Variants in PHACTR1 observed in about 807,000 individuals in gnomAD.
The protein encoded by PHACTR1 is RPEL repeat containing 1.
Under a neutral mutation model 69.2 loss-of-function variants are expected in PHACTR1, and 16 were observed. The ratio of observed to expected loss-of-function variants is 0.23; its 90% CI spans 0.16 to 0.35. PHACTR1 has a LOEUF of 0.35. Ranked by LOEUF, PHACTR1 falls within the 10% of genes least tolerant of loss-of-function variation. PHACTR1 has a pLI of 1.00. For synonymous variants in PHACTR1, 312 were observed against 284.5 expected (o/e 1.10, Z -0.97); for missense variants, 510 against 734.7 (o/e 0.69, Z 3.54).
At position 13,053,543 on chromosome 6, in the gene PHACTR1, T is replaced by C. The variant is rs1203922088; in HGVS notation, c.415+14T>C. ...ACACGTCAGCAGGTAAGATGATTTG[T>C]TCTTTCATTTCCCATTTGGTGTTTG... On this transcript the variant is annotated intron_variant, in intron 5 of 14. Coordinates refer to ENST00000332995, the MANE Select transcript of PHACTR1 (RefSeq NM_030948.6). 2.5e-6 allele frequency: 4 copies of C among 1,609,944 alleles called. No homozygotes were observed. The highest frequency in any genetic ancestry group is 3.4e-6 in the Non-Finnish European group (4 of 1,177,744).
At chr6:13,155,760 C>T (rs966961205) in intron 5 of PHACTR1, among the ~76,000 whole-genome samples, 6 of 151,946 alleles carry the variant, frequency 3.9e-5, no homozygotes, top group African/African-American at 7.3e-5. Context: ...TGGCAGCAGG[C>T]GCCTGTAATC....
intron 5 of PHACTR1, among the ~76,000 whole-genome samples, chr6:13,059,220 GTACAGATGGA>G (rs1807297476): frequency 6.6e-6 from 1 of 152,020 alleles, no homozygotes; most frequent in Non-Finnish European, 1.5e-5. Flanking sequence ...AACATACCGG[GTACAGATGGA>G]CAAATGTGGC....
At chr6:13,039,844 T>G (rs569506878) in intron 4 of PHACTR1, among the ~76,000 whole-genome samples, 1 of 152,308 alleles carries the variant, frequency 6.6e-6, no homozygotes, top group East Asian at 1.9e-4. Context: ...TCTTTTCCTA[T>G]TAAAATAAAT....
At chr6:13,082,445 C>T (rs927153625) in intron 5 of PHACTR1, among the ~76,000 whole-genome samples, 1 of 152,054 alleles carries the variant, frequency 6.6e-6, no homozygotes. Flanking sequence ...GAGATAGTCC[C>T]CAAAAGAAAT....
chr6:13,063,539 C>T (rs1443514009), intron 5 of PHACTR1, among the ~76,000 whole-genome samples: 1 of 150,788 alleles, frequency 6.6e-6, no homozygotes, highest in Non-Finnish European at 1.5e-5. Flanking sequence ...TTTGGGAGGC[C>T]AAAGCGGGAG....
In PHACTR1 at chr6:13,177,172, T is replaced by TAAAAAAAAAAAA. The variant is rs530741132; in HGVS notation, c.497-5327_497-5316dup. ...TGGCAAAATAGCAAGACCCCATCTC[T>TAAAAAAAAAAAA]AAAAAAAAAAAAAAAAAAAAAAAAA... On this transcript the variant is annotated intron_variant, in intron 6 of 14. Transcript: ENST00000332995. Among the ~76,000 whole-genome samples the TAAAAAAAAAAAA allele has an allele frequency of 6.3e-5, 4 of 63,366 alleles. 1 individual carries two copies. Among genetic ancestry groups the TAAAAAAAAAAAA allele is most frequent in the African/African-American group, 4.1e-4 (4 of 9,786 alleles). 41.6% of individuals were successfully genotyped at this position (63,366 alleles called of 152,430 possible). A position where few individuals can be genotyped will look rare whatever the true frequency, so the allele number is the denominator to read the frequency against.
chr6:13,070,273 T>TC (rs895672445), intron 5 of PHACTR1, among the ~76,000 whole-genome samples: 3 of 152,224 alleles, frequency 2.0e-5, no homozygotes, highest in African/African-American at 7.2e-5. Flanking sequence ...TTTGACCTTT[T>TC]CCCTTTGACT....
At chr6:13,141,440 G>A (rs937103855) in intron 5 of PHACTR1, among the ~76,000 whole-genome samples, 16 of 152,204 alleles carry the variant, frequency 1.1e-4, no homozygotes, top group Admixed American at 5.9e-4. Context: ...TTGCCTGTTC[G>A]TCAGCTTCCA....
chr6:13,180,279 C>T (rs549798038), intron 6 of PHACTR1, among the ~76,000 whole-genome samples: 25 of 152,248 alleles, frequency 1.6e-4, no homozygotes, highest in African/African-American at 4.6e-4. Context: ...GTGTATTTAG[C>T]AATTATAACA....
chr6:12,937,404 A>G (rs1335936492), intron 4 of PHACTR1, among the ~76,000 whole-genome samples: 1 of 151,772 alleles, frequency 6.6e-6, no homozygotes, highest in Non-Finnish European at 1.5e-5. Context: ...GCTGGAGTGC[A>G]ATGGCGCAAT....
chr6:12,973,650 A>G (rs1206947155), intron 4 of PHACTR1, among the ~76,000 whole-genome samples: 1 of 152,178 alleles, frequency 6.6e-6, no homozygotes, highest in African/African-American at 2.4e-5. Context: ...GATCCGTGTT[A>G]TCTATTTTGC....
At chr6:12,832,156 A>G (rs753297601) in intron 4 of PHACTR1, among the ~76,000 whole-genome samples, 1 of 152,140 alleles carries the variant, frequency 6.6e-6, no homozygotes, top group Non-Finnish European at 1.5e-5. Context: ...GAGTGTGCCA[A>G]CTAAGGTGAT....
At chr6:12,839,558 T>A (rs1390829360) in intron 4 of PHACTR1, among the ~76,000 whole-genome samples, 1 of 152,106 alleles carries the variant, frequency 6.6e-6, no homozygotes, top group Non-Finnish European at 1.5e-5. Flanking sequence ...GGGTTCCTTC[T>A]GCCTGGTCCC....
intron 4 of PHACTR1, among the ~76,000 whole-genome samples, chr6:13,018,126 TG>T (rs1800446812): frequency 6.6e-6 from 1 of 152,256 alleles, no homozygotes; most frequent in Non-Finnish European, 1.5e-5. Context: ...AATTCTCTGC[TG>T]TACTGACTGT....
chr6:12,820,779 T>C (rs1472402445), intron 4 of PHACTR1, among the ~76,000 whole-genome samples: 2 of 152,302 alleles, frequency 1.3e-5, no homozygotes, highest in Non-Finnish European at 2.9e-5. Flanking sequence ...CATATTCAAG[T>C]GTACCTCTTC....
At chr6:12,858,550 T>C (rs1293170154) in intron 4 of PHACTR1, among the ~76,000 whole-genome samples, 2 of 152,084 alleles carry the variant, frequency 1.3e-5, no homozygotes, top group African/African-American at 4.8e-5. Flanking sequence ...CCCCGCACTT[T>C]GGAAGGCCTA....
chr6:13,048,815 AGC>A (rs1169566571), intron 4 of PHACTR1, among the ~76,000 whole-genome samples: 1 of 152,206 alleles, frequency 6.6e-6, no homozygotes, highest in Non-Finnish European at 1.5e-5. Context: ...TATAGGCGTG[AGC>A]CACCGCACCA....
chr6:12,968,414 T>G (rs1447392931), intron 4 of PHACTR1, among the ~76,000 whole-genome samples: 1 of 152,210 alleles, frequency 6.6e-6, no homozygotes, highest in Non-Finnish European at 1.5e-5. Context: ...AAATTTAGCA[T>G]CGTGACTATA....
rs1390833743 is a variant in PHACTR1, at chr6:13,275,132, G to C, written c.1447+2217G>C. On this transcript the variant is annotated intron_variant, in intron 11 of 14. Coordinates refer to ENST00000332995, the MANE Select transcript of PHACTR1 (RefSeq NM_030948.6). This position sits in a 1 kb window ranked among gnomAD's most constrained non-coding sequence, Gnocchi z 4.0. ...GGAACTGCTCGGTGTTGGGTGGTGG[G>C]GAACAGGGCACAGAGATGCCATGGC... is the stretch of plus-strand genomic sequence containing the variant. The C allele has an allele frequency of 6.6e-6, 1 of 152,232 alleles. No homozygotes were observed. Among genetic ancestry groups the C allele is most frequent in the African/African-American group, 2.4e-5 (1 of 41,448 alleles). The allele number at this position is 152,232 out of a possible 1,614,324, so 9.4% of individuals were successfully genotyped here. A position where few individuals can be genotyped will look rare whatever the true frequency, so the allele number is the denominator to read the frequency against.
Sources: gnomAD v4.1 joint callset for allele counts (sites outside exome capture counted in the v4.1 genomes callset) on GRCh38, gnomAD v4.1.1 for gene constraint, Gnocchi (gnomAD v3.1) non-coding constraint, MANE v1.5 for transcripts, NCBI Gene and HGNC (gene_info 2026-07-23, HGNC 2026-07-21) for gene names.